INVS: variants seen among roughly 807,000 people sequenced by gnomAD.
INVS encodes inversion of embryo turning homolog.
INVS carries 86 observed loss-of-function variants against 108.8 expected under a neutral mutation model. The observed-to-expected ratio is 0.79, with a 90% CI of 0.66 to 0.95. INVS has a LOEUF of 0.95. Among genes scored for constraint, INVS ranks in the 40% least tolerant of loss-of-function variants. The pLI is 0.00. For synonymous variants in INVS, 455 were observed against 473.5 expected, an observed-to-expected ratio of 0.96 and a Z score of 0.51; for missense variants, 1,169 against 1,297.4, an observed-to-expected ratio of 0.90 and a Z score of 1.52.
At chr9:100,241,770 C>A (rs1831881356) in intron 6 of INVS, among the ~76,000 whole-genome samples, 1 of 152,174 alleles carries the variant, frequency 6.6e-6, no homozygotes, top group Non-Finnish European at 1.5e-5. Flanking sequence ...ACACAATTTC[C>A]ACTCAAATTA....
intron 12 of INVS, among the ~76,000 whole-genome samples, chr9:100,273,910 A>C (rs191647214): frequency 1.3e-4 from 20 of 152,318 alleles, no homozygotes; most frequent in Admixed American, 1.3e-3. Context: ...TTGAATTCTT[A>C]CTATACAGAC....
chr9:100,257,468 T>C (rs1026962924), intron 10 of INVS, among the ~76,000 whole-genome samples: 1 of 152,218 alleles, frequency 6.6e-6, no homozygotes, highest in African/African-American at 2.4e-5. Context: ...AGCTGGTTAT[T>C]TTGCTCTTTA....
chr9:100,287,377 C>T (rs188469128), intron 13 of INVS, among the ~76,000 whole-genome samples: 3 of 152,258 alleles, frequency 2.0e-5, no homozygotes, highest in Admixed American at 1.3e-4. Context: ...CAAATGATGT[C>T]GAGAAATAGA....
rs139942312 is a variant in INVS at position 100,202,629 on chromosome 9, C to T, written c.274-23433C>T. ...TCACTTGTCTATCGCTTTAACCTTCCATGTCACACAGTAGCATTCATAGAC... is the reference window on the plus strand; with the variant it reads ...TCACTTGTCTATCGCTTTAACCTTCTATGTCACACAGTAGCATTCATAGAC... On this transcript the variant is annotated intron_variant, in intron 3 of 16. Transcript: ENST00000262457. 6.6e-5 allele frequency among the ~76,000 whole-genome samples: 10 copies of T among 152,234 alleles called. No homozygotes were observed. In the East Asian group the frequency reaches 1.9e-3, roughly 29 times the overall value.
At chr9:100,263,743 T>A (rs1345508828) in intron 10 of INVS, among the ~76,000 whole-genome samples, 2 of 152,212 alleles carry the variant, frequency 1.3e-5, no homozygotes, top group East Asian at 3.8e-4. Context: ...GCATTATTTT[T>A]TTTGGAACTT....
intron 12 of INVS, 69 bp from the exon 13 acceptor site, chr9:100,284,251 C>T: frequency 6.3e-7 from 1 of 1,579,696 alleles, no homozygotes; most frequent in Non-Finnish European, 8.7e-7. Flanking sequence ...AAAATTTAAA[C>T]TCACACAGAG....
rs377684382 is a variant in INVS, at chr9:100,292,349, G to A, written c.2092G>A (p.Gly698Ser). 1.9e-6 allele frequency: 3 copies of A among 1,614,126 alleles called. No homozygotes were observed. The highest frequency in any genetic ancestry group is 2.5e-6 in the Non-Finnish European group (3 of 1,180,020). The part of the protein sequence containing the change: ...PNETAREHSK[G>S]QSACVHFRPN... ...AGAAACAGCCAGAGAACATTCTAAA[G>A]GCCAATCTGCTTGTGTCCACTTCAG... Residue 698 changes from glycine (G) to serine (S), a missense_variant, in exon 14 of 17, where the codon GGC becomes AGC. By Grantham distance (56) the Gly-to-Ser change is moderately conservative. Around this residue, in one of 3 missense-constraint regions of INVS, gnomAD observed 533 missense variants for 536.0 expected, o/e 0.99. Coordinates refer to ENST00000262457, the MANE Select transcript of INVS (RefSeq NM_014425.5).
intron 3 of INVS, among the ~76,000 whole-genome samples, chr9:100,162,527 G>A (rs1829223081): frequency 6.6e-6 from 1 of 152,142 alleles, no homozygotes; most frequent in Non-Finnish European, 1.5e-5. Flanking sequence ...ATATCTAGAA[G>A]CAGAAAAATC....
intron 10 of INVS, among the ~76,000 whole-genome samples, chr9:100,253,389 A>G (rs548589900): frequency 4.8e-4 from 72 of 150,808 alleles, no homozygotes; most frequent in Non-Finnish European, 9.4e-4. Flanking sequence ...ACATGTATGC[A>G]TCTATAAACA....
intron 1 of INVS, among the ~76,000 whole-genome samples, chr9:100,103,367 C>T (rs1242547287): frequency 1.3e-5 from 2 of 151,828 alleles, no homozygotes; most frequent in African/African-American, 2.4e-5. Flanking sequence ...TGGCTTATGC[C>T]TGTAATCCCA....
At chr9:100,265,850 G>A (rs1394140452) in intron 11 of INVS, among the ~76,000 whole-genome samples, 1 of 152,234 alleles carries the variant, frequency 6.6e-6, no homozygotes, top group Non-Finnish European at 1.5e-5. Flanking sequence ...GCCAAGGCGA[G>A]CAGATCAACT....
chr9:100,226,565 C>A (rs1335431553), intron 4 of INVS, among the ~76,000 whole-genome samples: 1 of 152,116 alleles, frequency 6.6e-6, no homozygotes, highest in Non-Finnish European at 1.5e-5. Flanking sequence ...GTAATCCCAG[C>A]ACTTTGGGAG....
intron 4 of INVS, among the ~76,000 whole-genome samples, chr9:100,228,486 T>A (rs1272667292): frequency 1.3e-5 from 2 of 152,264 alleles, no homozygotes; most frequent in African/African-American, 4.8e-5. Context: ...TGTATTTTTT[T>A]ATAGATATTA....
chr9:100,258,757 C>G (rs1832511490), intron 10 of INVS, among the ~76,000 whole-genome samples: 1 of 152,206 alleles, frequency 6.6e-6, no homozygotes, highest in Non-Finnish European at 1.5e-5. Context: ...GCAAATGTTG[C>G]CGCCTGATCC....
intron 12 of INVS, among the ~76,000 whole-genome samples, chr9:100,278,962 G>A (rs1833196111): frequency 6.6e-6 from 1 of 152,206 alleles, no homozygotes. Context: ...ACTTGAACAT[G>A]AAACCATGAT....
rs1588158574 is a variant in INVS at position 100,302,109 on chromosome 9, C to T, written c.*1435C>T. The stretch of plus-strand genomic sequence containing the variant: ...TTCTTTAAAAGTTCAGCTTTAATGA[C>T]AAAGATCTATTACATCAGTCTTTTT... On this transcript the variant is annotated 3_prime_UTR_variant, in exon 17 of 17. Transcript: ENST00000262457. 6.1e-6 allele frequency: 5 copies of T among 814,214 alleles called. No homozygotes were observed. The East Asian group carries it at 1.3e-4, about 21-fold the overall frequency. The allele number at this position is 814,214 out of a possible 1,614,324, so 50.4% of individuals were successfully genotyped here. A position where few individuals can be genotyped will look rare whatever the true frequency, so the allele number is the denominator to read the frequency against.
chr9:100,109,434 C>T (rs1827273176), intron 2 of INVS, among the ~76,000 whole-genome samples: 1 of 152,156 alleles, frequency 6.6e-6, no homozygotes, highest in Non-Finnish European at 1.5e-5. Flanking sequence ...TGAAAGAGCA[C>T]TAAATGCAAC....
At chr9:100,289,174 C>T (rs1321961474) in intron 13 of INVS, among the ~76,000 whole-genome samples, 4 of 152,174 alleles carry the variant, frequency 2.6e-5, no homozygotes, top group Non-Finnish European at 5.9e-5. Context: ...TGAACTGTAT[C>T]TACAGCTCCA....
At chr9:100,285,744 G>T (rs1234022513) in intron 13 of INVS, among the ~76,000 whole-genome samples, 1 of 152,156 alleles carries the variant, frequency 6.6e-6, no homozygotes, top group African/African-American at 2.4e-5. Flanking sequence ...AAGCTCACAT[G>T]AACCTAGGAC....
Sources: gnomAD v4.1 joint callset for allele counts (sites outside exome capture counted in the v4.1 genomes callset) on GRCh38, gnomAD v4.1.1 for gene constraint, gnomAD v4.1.1 regional missense constraint, MANE v1.5 for transcripts, NCBI Gene and HGNC (gene_info 2026-07-23, HGNC 2026-07-21) for gene names.